Variants in PKHD1L1 observed in about 807,000 individuals in gnomAD.
PKHD1L1 encodes fibrocystin-L.
In PKHD1L1, 434 loss-of-function variants were observed where a neutral mutation model predicts 462.9. The ratio of observed to expected loss-of-function variants is 0.94; its 90% CI spans 0.87 to 1.02. The LOEUF is 1.02. Ranked by LOEUF, PKHD1L1 falls within the 50% of genes least tolerant of loss-of-function variation. The pLI, the probability that PKHD1L1 is intolerant of heterozygous loss-of-function variation, is 0.00. For synonymous variants in PKHD1L1, 1,781 were observed against 1,750.0 expected, an observed-to-expected ratio of 1.02 and a Z score of -0.44; for missense variants, 5,202 against 5,096.1, an observed-to-expected ratio of 1.02 and a Z score of -0.63.
chr8:109,505,611 C>T (rs1251888799), intron 68 of PKHD1L1, among the ~76,000 whole-genome samples: 2 of 152,080 alleles, frequency 1.3e-5, no homozygotes, highest in South Asian at 4.1e-4. Context: ...TTTAAATAGG[C>T]ATCTTAGCCA....
intron 48 of PKHD1L1, 83 bp downstream of exon 48, chr8:109,461,991 C>A: frequency 2.1e-6 from 3 of 1,434,876 alleles, no homozygotes; most frequent in South Asian, 1.4e-5. Flanking sequence ...TGCTGTTTGT[C>A]AATGCTACTT....
At chr8:109,444,339 G>A (rs1401076958) in intron 37 of PKHD1L1, among the ~76,000 whole-genome samples, 3 of 152,128 alleles carry the variant, frequency 2.0e-5, no homozygotes, top group African/African-American at 7.2e-5. Context: ...CCATGTATCA[G>A]TACTTCATTT....
At chr8:109,440,247 A>G (rs923493082) in intron 32 of PKHD1L1, among the ~76,000 whole-genome samples, 6 of 152,152 alleles carry the variant, frequency 3.9e-5, no homozygotes, top group Admixed American at 3.9e-4. Context: ...ATGGGAAGGG[A>G]GACCCTGACA....
intron 25 of PKHD1L1, among the ~76,000 whole-genome samples, chr8:109,427,408 T>A (rs1321174348): frequency 2.0e-5 from 3 of 152,176 alleles, no homozygotes; most frequent in African/African-American, 4.8e-5. Context: ...AATATGTGTG[T>A]TAGAATCCCC....
chr8:109,466,501 C>A (rs1817445886), intron 49 of PKHD1L1, 77 bp from the exon 50 acceptor site: 1 of 1,380,796 alleles, frequency 7.2e-7, no homozygotes, highest in Non-Finnish European at 9.7e-7. Context: ...CTATGGGTCA[C>A]AATTCTGTAT....
intron 40 of PKHD1L1, 37 bp from the exon 41 acceptor site, chr8:109,450,938 T>C (rs1212467401): frequency 6.4e-7 from 1 of 1,550,864 alleles, no homozygotes; most frequent in African/African-American, 1.4e-5. Context: ...CAGGGCCCGA[T>C]GGCAGAACTG....
At chr8:109,518,037 C>T (rs1261354714) in intron 72 of PKHD1L1, 130 bp from the exon 73 acceptor site, 2 of 660,670 alleles carry the variant, frequency 3.0e-6, no homozygotes, top group Non-Finnish European at 5.0e-6. Context: ...AAAAGGTATG[C>T]TTTCTTATGA....
rs144879688 is a variant in PKHD1L1 at position 109,414,638 on chromosome 8, G to A, written c.2360+1093G>A. 1.5e-3 allele frequency among the ~76,000 whole-genome samples: 222 copies of A among 152,096 alleles called. 1 individual carries two copies. Among genetic ancestry groups the A allele is most frequent in the African/African-American group, 5.1e-3 (213 of 41,502 alleles). Reference sequence around the variant, plus strand: ...GCATTATTCTATTATAATAAGACATGGAGAGCACTATTTTCTTCCCATCGT... The same window carrying A: ...GCATTATTCTATTATAATAAGACATAGAGAGCACTATTTTCTTCCCATCGT... On this transcript the variant is annotated intron_variant, in intron 21 of 77. Transcript: ENST00000378402.
chr8:109,385,466 A>T, intron 5 of PKHD1L1, 71 bp from the exon 6 acceptor site: 2 of 958,320 alleles, frequency 2.1e-6, no homozygotes, highest in Non-Finnish European at 3.1e-6. Context: ...AAAATCTCTT[A>T]TGTTTTCGTA....
In PKHD1L1 at chr8:109,445,402, G is replaced by C; in HGVS notation, c.5533G>C (p.Gly1845Arg). 1 of 1,613,958 alleles carries C rather than the reference G, an allele frequency of 6.2e-7. No homozygotes were observed. Among genetic ancestry groups the C allele is most frequent in the Non-Finnish European group, 8.5e-7 (1 of 1,179,890 alleles). ...ATCACCAACTTCTGGAAGCATTGGT[G>C]GTGGAACTACACTGGTGATCACAGG... ...SLSPTSGSIG[G>R]GTTLVITGNG... Residue 1845 changes from glycine (G) to arginine (R), a missense_variant, in exon 38 of 78, where the codon GGT becomes CGT. By Grantham distance (125) the Gly-to-Arg change is moderately radical. Transcript: ENST00000378402.
At position 109,375,977 on chromosome 8, in the gene PKHD1L1, A is replaced by G. The variant is rs1189716933; in HGVS notation, c.164-5393A>G. Among the ~76,000 whole-genome samples the G allele has an allele frequency of 3.4e-4, 52 of 152,332 alleles. 1 individual carries two copies. The highest frequency in any genetic ancestry group is 3.3e-3 in the Admixed American group (50 of 15,298). ...ACCCACTTGAGGAGGCAGTCTGCCC[A>G]TTCTCTGATCTCAAGCTGCATGCTG... On this transcript the variant is annotated intron_variant, in intron 2 of 77. Coordinates refer to ENST00000378402, the MANE Select transcript of PKHD1L1 (RefSeq NM_177531.6).
rs774299719 is a variant in PKHD1L1, at chr8:109,508,079, A to G, written c.11228-18A>G. On this transcript the variant is annotated intron_variant, in intron 69 of 77. Coordinates refer to ENST00000378402, the MANE Select transcript of PKHD1L1 (RefSeq NM_177531.6). ...AGATTCTGTATTATTGCTAAAATAT[A>G]TATACATATGTTTCTAGGAATTATT... 4.2e-5 allele frequency: 67 copies of G among 1,577,816 alleles called. No homozygotes were observed. Among genetic ancestry groups the G allele is most frequent in the Middle Eastern group, 3.4e-4 (2 of 5,878 alleles).
chr8:109,410,726 C>CTTTTGTTTTTTTTTTTTTTTTTTTTTT (rs1554635620), intron 19 of PKHD1L1, among the ~76,000 whole-genome samples: 1 of 68,402 alleles, frequency 1.5e-5, no homozygotes, highest in African/African-American at 8.2e-5. Context: ...TTTTCTTTTT[C>CTTTTGTTTTTTTTTTTTTTTTTTTTTT]TTTTTTTTTT....
rs747867994 is a variant in PKHD1L1 at position 109,491,036 on chromosome 8, T to C, written c.10049T>C (p.Ile3350Thr). 15 of 1,609,870 alleles carry C rather than the reference T, an allele frequency of 9.3e-6. No individual in the cohort carries two copies. The East Asian group carries it at 1.6e-4, about 17-fold the overall frequency. Residue 3350 changes from isoleucine to threonine, a missense_variant, in exon 61 of 78, where the codon ATT (isoleucine) becomes ACT (threonine). Around this residue, in one of 3 missense-constraint regions of PKHD1L1, gnomAD observed 4,497 missense variants for 4,336.8 expected, o/e 1.04. Coordinates refer to ENST00000378402, the MANE Select transcript of PKHD1L1 (RefSeq NM_177531.6). ...TTTCACCATGGCTTCTCTCCAGCAA[T>C]TGGTGTATTTGGGACAGATGGATTG... ...CAFHHGFSPA[I>T]GVFGTDGLDI...
chr8:109,526,835 C>T lies in PKHD1L1; in HGVS notation c.12536C>T (p.Ser4179Phe). ...FILDNVVGVE[S>F]RTFSLLAESV... ...CTGGATAATGTTGTTGGGGTAGAAT[C>T]CAGAACTTTCAGCCTGCTGGCAGAG... Residue 4179 changes from serine to phenylalanine, a missense_variant, in exon 77 of 78, where the codon TCC (serine) becomes TTC (phenylalanine). Ser to Phe is a radical substitution (Grantham distance 155). Coordinates refer to ENST00000378402, the MANE Select transcript of PKHD1L1 (RefSeq NM_177531.6). 1 of 1,579,782 alleles carries T rather than the reference C, an allele frequency of 6.3e-7. No individual in the cohort carries two copies. Among genetic ancestry groups the T allele is most frequent in the Non-Finnish European group, 8.6e-7 (1 of 1,162,032 alleles).
At chr8:109,408,413 T>G (rs767362104) in intron 18 of PKHD1L1, among the ~76,000 whole-genome samples, 203 of 152,264 alleles carry the variant, frequency 1.3e-3, no homozygotes, top group Non-Finnish European at 2.0e-3. Context: ...AGCCACCTCT[T>G]TTTCCAGACA....
intron 13 of PKHD1L1, among the ~76,000 whole-genome samples, chr8:109,401,161 A>C (rs1414625309): frequency 6.6e-6 from 1 of 152,116 alleles, no homozygotes; most frequent in Admixed American, 6.6e-5. Context: ...AGAGCAAAAG[A>C]ATATTTTATT....
At chr8:109,415,476 G>T (rs1007237608) in intron 21 of PKHD1L1, among the ~76,000 whole-genome samples, 2 of 152,108 alleles carry the variant, frequency 1.3e-5, no homozygotes, top group Non-Finnish European at 2.9e-5. Flanking sequence ...AACAGCCAGG[G>T]TGTAGACCTG....
chr8:109,522,972 G>A, intron 75 of PKHD1L1, 82 bp downstream of exon 75: 1 of 1,376,282 alleles, frequency 7.3e-7, no homozygotes, highest in Non-Finnish European at 9.7e-7. Flanking sequence ...ACTCATCCTG[G>A]TGTGCTGGCA....
Sources: allele counts gnomAD v4.1 joint callset (sites outside exome capture counted in the v4.1 genomes callset), GRCh38; gene constraint gnomAD v4.1.1; regional missense constraint gnomAD v4.1.1; transcripts MANE v1.5; gene names NCBI Gene and HGNC (gene_info 2026-07-23, HGNC 2026-07-21).